Variants in AJAP1 observed in about 807,000 individuals in gnomAD.
AJAP1 encodes adherens junctions associated protein 1.
Under a neutral mutation model 35.0 loss-of-function variants are expected in AJAP1, and 5 were observed. The ratio of observed to expected loss-of-function variants is 0.14; its 90% CI spans 0.07 to 0.30. AJAP1 has a LOEUF of 0.30. AJAP1 is among the 10% of genes least tolerant of loss of function. The pLI is 1.00. For synonymous variants in AJAP1, 284 were observed against 249.3 expected (o/e 1.14, Z -1.31); for missense variants, 586 against 571.0 (o/e 1.03, Z -0.27).
chr1:4,700,184 C>T (rs1639954294), intron 1 of AJAP1, among the ~76,000 whole-genome samples: 1 of 152,166 alleles, frequency 6.6e-6, no homozygotes, highest in African/African-American at 2.4e-5. Flanking sequence ...GAAGAGCCCT[C>T]ATCACCGGGC....
chr1:4,660,230 G>T (rs6691554), intron 1 of AJAP1, among the ~76,000 whole-genome samples: 33 of 152,176 alleles, frequency 2.2e-4, no homozygotes, highest in African/African-American at 7.5e-4. Flanking sequence ...GGGGCATGCC[G>T]GCCCTGCATC....
chr1:4,689,263 G>A (rs983212857), intron 1 of AJAP1, among the ~76,000 whole-genome samples: 42 of 152,232 alleles, frequency 2.8e-4, no homozygotes, highest in Admixed American at 2.4e-3. Flanking sequence ...TATGAATTCA[G>A]CTGATTAAGG....
chr1:4,778,561 G>C (rs1038926376), intron 5 of AJAP1, among the ~76,000 whole-genome samples: 6 of 145,010 alleles, frequency 4.1e-5, no homozygotes, highest in Admixed American at 7.0e-5. Flanking sequence ...CAAGGTGCAG[G>C]ATTGGCGCCA....
intron 2 of AJAP1, among the ~76,000 whole-genome samples, chr1:4,713,918 C>A (rs932983439): frequency 1.3e-5 from 2 of 152,230 alleles, no homozygotes; most frequent in Non-Finnish European, 2.9e-5. Flanking sequence ...CTTCAGAGCT[C>A]ATGTGCAGGC....
At chr1:4,735,334 G>T (rs149027849) in intron 2 of AJAP1, among the ~76,000 whole-genome samples, 1 of 152,204 alleles carries the variant, frequency 6.6e-6, no homozygotes, top group African/African-American at 2.4e-5. Flanking sequence ...AGCCTGGAGC[G>T]TGTGGGAGGG....
intron 1 of AJAP1, among the ~76,000 whole-genome samples, chr1:4,657,979 A>G (rs1304246042): frequency 6.6e-6 from 1 of 152,154 alleles, no homozygotes; most frequent in African/African-American, 2.4e-5. Context: ...GTGGCTTGAC[A>G]AGCCCTGCCA....
At chr1:4,753,823 C>T (rs1382602783) in intron 2 of AJAP1, among the ~76,000 whole-genome samples, 1 of 152,252 alleles carries the variant, frequency 6.6e-6, no homozygotes, top group Non-Finnish European at 1.5e-5. Flanking sequence ...CCGCCCACCT[C>T]AGCCTTCCAA....
chr1:4,736,355 T>C (rs952204070), intron 2 of AJAP1, among the ~76,000 whole-genome samples: 2 of 152,218 alleles, frequency 1.3e-5, no homozygotes, highest in Non-Finnish European at 2.9e-5. Context: ...TGTTGCCCGC[T>C]GCGCTGTGCG....
chr1:4,756,083 G>A (rs1641424643), intron 2 of AJAP1, among the ~76,000 whole-genome samples: 1 of 152,196 alleles, frequency 6.6e-6, no homozygotes, highest in African/African-American at 2.4e-5. Flanking sequence ...ACAAGCCTAG[G>A]AGAAGGTGCA....
rs554930263 is a variant in AJAP1, at chr1:4,747,487, C to T, written c.830-22366C>T. On this transcript the variant is annotated intron_variant, in intron 2 of 5. Coordinates refer to ENST00000378191, the MANE Select transcript of AJAP1 (RefSeq NM_018836.4). ...TTCTTTCAAAATCCCCATCCTCCAG[C>T]GCATGTGAGGTCTGGCTGTGCCGCC... Among the ~76,000 whole-genome samples, 4 of 152,314 alleles carry T rather than the reference C, an allele frequency of 2.6e-5. No homozygotes were observed. In the South Asian group the frequency reaches 8.3e-4, roughly 32 times the overall value.
In AJAP1 at chr1:4,692,156, A is replaced by G. The variant is rs1396178153; in HGVS notation, c.30-19744A>G. On this transcript the variant is annotated intron_variant, in intron 1 of 5. Transcript: ENST00000378191. This position sits in a 1 kb window ranked among gnomAD's most constrained non-coding sequence, Gnocchi z 4.4. ...CATCGTTGCCGCCTTCTCGAGGGTT[A>G]GGAGTCAGCCCCGCTTAATAGGTGA... 6.6e-6 allele frequency among the ~76,000 whole-genome samples: 1 copy of G among 152,132 alleles called. No individual in the cohort carries two copies. The highest frequency in any genetic ancestry group is 2.4e-5 in the African/African-American group (1 of 41,436).
chr1:4,776,442 ACC>A lies in AJAP1; in HGVS notation c.*59+1886_*59+1887del, dbSNP rs1294018733. On this transcript the variant is annotated intron_variant, in intron 5 of 5. Coordinates refer to ENST00000378191, the MANE Select transcript of AJAP1 (RefSeq NM_018836.4). ...AGGTTGTTAGTGGTGGGGCTGGATC[ACC>A]CGATGGCTGCCTGGCTCCGGGACAT... 4.6e-5 allele frequency among the ~76,000 whole-genome samples: 7 copies of A among 152,280 alleles called. No individual in the cohort carries two copies. In the South Asian group the frequency reaches 1.5e-3, roughly 32 times the overall value.
At chr1:4,778,475 G>A (rs992523148) in intron 5 of AJAP1, among the ~76,000 whole-genome samples, 1 of 152,128 alleles carries the variant, frequency 6.6e-6, no homozygotes, top group African/African-American at 2.4e-5. Flanking sequence ...TGGGCCAGGG[G>A]CTGTGACCAC....
intron 1 of AJAP1, among the ~76,000 whole-genome samples, chr1:4,709,770 G>A (rs905265552): frequency 4.6e-5 from 7 of 152,206 alleles, no homozygotes; most frequent in African/African-American, 1.7e-4. Context: ...ACACCGTGCT[G>A]AGGATTAGCA....
chr1:4,692,078 G>A lies in AJAP1; in HGVS notation c.30-19822G>A, dbSNP rs2100228052. On this transcript the variant is annotated intron_variant, in intron 1 of 5. Coordinates refer to ENST00000378191, the MANE Select transcript of AJAP1 (RefSeq NM_018836.4). This position sits in a 1 kb window ranked among gnomAD's most constrained non-coding sequence, Gnocchi z 4.4. ...GCCCTCAGCCCTGTGCTCCTTCCGGGAATGGCAGGTGGCATGGCGCCCGGC... is the reference window on the plus strand; with the variant it reads ...GCCCTCAGCCCTGTGCTCCTTCCGGAAATGGCAGGTGGCATGGCGCCCGGC... Among the ~76,000 whole-genome samples the A allele has an allele frequency of 6.6e-6, 1 of 152,310 alleles. No individual in the cohort carries two copies. The highest frequency in any genetic ancestry group is 1.9e-4 in the East Asian group (1 of 5,164).
chr1:4,671,601 T>G (rs1639251059), intron 1 of AJAP1, among the ~76,000 whole-genome samples: 1 of 151,636 alleles, frequency 6.6e-6, no homozygotes, highest in East Asian at 2.0e-4. Flanking sequence ...CAGGAACAAA[T>G]GCACCCACCA....
intron 2 of AJAP1, among the ~76,000 whole-genome samples, chr1:4,735,789 C>T (rs1048550911): frequency 2.0e-5 from 3 of 152,220 alleles, no homozygotes; most frequent in African/African-American, 7.2e-5. Context: ...GTCCCATCTT[C>T]CTGAAAATGG....
chr1:4,746,317 T>A (rs186964113), intron 2 of AJAP1, among the ~76,000 whole-genome samples: 1 of 152,246 alleles, frequency 6.6e-6, no homozygotes, highest in East Asian at 1.9e-4. Context: ...CCACCCTGAG[T>A]CCCAGGCAAT....
intron 2 of AJAP1, among the ~76,000 whole-genome samples, chr1:4,748,304 G>GT (rs1641239163): frequency 6.6e-6 from 1 of 152,210 alleles, no homozygotes; most frequent in Non-Finnish European, 1.5e-5. Flanking sequence ...GCTGTGCTGG[G>GT]TGTGTTACAT....
Sources: gnomAD v4.1 joint callset for allele counts (sites outside exome capture counted in the v4.1 genomes callset) on GRCh38, gnomAD v4.1.1 for gene constraint, Gnocchi (gnomAD v3.1) non-coding constraint, MANE v1.5 for transcripts, NCBI Gene and HGNC (gene_info 2026-07-23, HGNC 2026-07-21) for gene names.